NXPH1: variants seen among roughly 807,000 people sequenced by gnomAD.
NXPH1 encodes the protein neurexophilin 1.
Under a neutral mutation model 23.7 loss-of-function variants are expected in NXPH1, and 5 were observed. The ratio of observed to expected loss-of-function variants is 0.21; its 90% CI spans 0.11 to 0.44. The LOEUF (loss-of-function observed/expected upper bound fraction) is 0.44, where lower values mean the gene tolerates loss of function less well. Among genes scored for constraint, NXPH1 ranks in the 20% least tolerant of loss-of-function variants. The pLI is 0.99. For synonymous variants in NXPH1, 144 were observed against 122.2 expected, an observed-to-expected ratio of 1.18 and a Z score of -1.18; for missense variants, 324 against 321.6, an observed-to-expected ratio of 1.01 and a Z score of -0.06.
intron 2 of NXPH1, among the ~76,000 whole-genome samples, chr7:8,481,858 T>C (rs1244686453): frequency 1.3e-5 from 2 of 152,178 alleles, no homozygotes; most frequent in Non-Finnish European, 2.9e-5. Flanking sequence ...CCAGTGTCTA[T>C]TGTTACCATC....
At chr7:8,729,796 C>G (rs1050444831) in intron 2 of NXPH1, among the ~76,000 whole-genome samples, 13 of 152,128 alleles carry the variant, frequency 8.5e-5, no homozygotes, top group Non-Finnish European at 1.6e-4. Flanking sequence ...TGGTATGGTG[C>G]TGAAATAAAT....
At chr7:8,635,711 G>A (rs1050363265) in intron 2 of NXPH1, among the ~76,000 whole-genome samples, 19 of 152,128 alleles carry the variant, frequency 1.2e-4, no homozygotes, top group South Asian at 8.3e-4. Flanking sequence ...TATAGAAATC[G>A]TATTTTATTC....
chr7:8,747,798 A>T (rs945636422), intron 2 of NXPH1, among the ~76,000 whole-genome samples: 2 of 152,162 alleles, frequency 1.3e-5, no homozygotes, highest in African/African-American at 2.4e-5. Flanking sequence ...CCCAAATCCA[A>T]AGGTATGTAC....
At chr7:8,565,187 G>C (rs1818518943) in intron 2 of NXPH1, among the ~76,000 whole-genome samples, 1 of 151,716 alleles carries the variant, frequency 6.6e-6, no homozygotes, top group South Asian at 2.1e-4. Flanking sequence ...AGTGATGATG[G>C]ATAGATTCCA....
chr7:8,490,328 A>T (rs1190158389), intron 2 of NXPH1, among the ~76,000 whole-genome samples: 3 of 152,054 alleles, frequency 2.0e-5, no homozygotes, highest in Non-Finnish European at 4.4e-5. Context: ...AGACTAACTT[A>T]AATCCATGTA....
chr7:8,743,921 T>C (rs1261193930), intron 2 of NXPH1, among the ~76,000 whole-genome samples: 1 of 151,966 alleles, frequency 6.6e-6, no homozygotes, highest in East Asian at 1.9e-4. Flanking sequence ...CCCGACCTTG[T>C]GATCCGCCCG....
chr7:8,654,287 T>C (rs1191043656), intron 2 of NXPH1, among the ~76,000 whole-genome samples: 9 of 152,188 alleles, frequency 5.9e-5, no homozygotes, highest in African/African-American at 2.2e-4. Context: ...CTAGTATTTA[T>C]GTTTTTAGTT....
intron 2 of NXPH1, among the ~76,000 whole-genome samples, chr7:8,630,167 G>C (rs889335378): frequency 2.6e-5 from 4 of 152,046 alleles, no homozygotes; most frequent in African/African-American, 9.7e-5. Flanking sequence ...TGCCATCAGA[G>C]GGTGACATTC....
At chr7:8,665,816 T>A (rs1196979098) in intron 2 of NXPH1, among the ~76,000 whole-genome samples, 1 of 151,812 alleles carries the variant, frequency 6.6e-6, no homozygotes, top group Non-Finnish European at 1.5e-5. Context: ...GGAAAGTTTG[T>A]TGTTAGTGTA....
At chr7:8,646,864 T>G (rs1446441021) in intron 2 of NXPH1, among the ~76,000 whole-genome samples, 1 of 14,928 alleles carries the variant, frequency 6.7e-5, no homozygotes, top group East Asian at 0.5. Flanking sequence ...GTTTCTGTCA[T>G]TTTTTTTTTT....
At chr7:8,500,519 A>G (rs906213366) in intron 2 of NXPH1, among the ~76,000 whole-genome samples, 1 of 152,056 alleles carries the variant, frequency 6.6e-6, no homozygotes, top group Non-Finnish European at 1.5e-5. Flanking sequence ...TGAGCATTGA[A>G]TGAGTTGCTG....
At chr7:8,604,974 G>T (rs1325681998) in intron 2 of NXPH1, among the ~76,000 whole-genome samples, 1 of 151,990 alleles carries the variant, frequency 6.6e-6, no homozygotes, top group Non-Finnish European at 1.5e-5. Flanking sequence ...CACCATTTTA[G>T]ATTGATTCTT....
At position 8,568,153 on chromosome 7, in the gene NXPH1, T is replaced by C. The variant is rs1818580485; in HGVS notation, c.54+132386T>C. Among the ~76,000 whole-genome samples the C allele has an allele frequency of 2.0e-5, 3 of 151,888 alleles. No individual in the cohort carries two copies. In the South Asian group the frequency reaches 6.2e-4, roughly 31 times the overall value. ...AGAGCAGATTATGTGACACTAACTG[T>C]AAATGTCCTGAGAATGGTAGAAACC... On this transcript the variant is annotated intron_variant, in intron 2 of 2. Coordinates refer to ENST00000405863, the MANE Select transcript of NXPH1 (RefSeq NM_152745.3).
intron 2 of NXPH1, among the ~76,000 whole-genome samples, chr7:8,586,276 G>A (rs1818978802): frequency 6.6e-6 from 1 of 152,096 alleles, no homozygotes; most frequent in South Asian, 2.1e-4. Flanking sequence ...GAATGCAAGG[G>A]GAGAAGATTG....
chr7:8,583,326 T>C (rs763333875), intron 2 of NXPH1, among the ~76,000 whole-genome samples: 2 of 152,232 alleles, frequency 1.3e-5, no homozygotes, highest in Non-Finnish European at 2.9e-5. Flanking sequence ...TGAGTTTGAA[T>C]CCTGGCACAG....
intron 2 of NXPH1, among the ~76,000 whole-genome samples, chr7:8,466,515 A>G (rs1449426103): frequency 6.6e-6 from 1 of 152,200 alleles, no homozygotes; most frequent in East Asian, 1.9e-4. Flanking sequence ...GGTGTCTGCA[A>G]CATTTGCTGG....
At chr7:8,672,150 A>C (rs1277532814) in intron 2 of NXPH1, among the ~76,000 whole-genome samples, 1 of 152,206 alleles carries the variant, frequency 6.6e-6, no homozygotes, top group Non-Finnish European at 1.5e-5. Context: ...TGCAGCCATA[A>C]AAAATGATGA....
At chr7:8,725,613 C>T (rs1021769256) in intron 2 of NXPH1, among the ~76,000 whole-genome samples, 2 of 152,032 alleles carry the variant, frequency 1.3e-5, no homozygotes, top group African/African-American at 4.8e-5. Context: ...GTAAAAAATT[C>T]TTGAAGGAAT....
intron 2 of NXPH1, among the ~76,000 whole-genome samples, chr7:8,510,130 G>A (rs1817589171): frequency 1.3e-5 from 2 of 152,106 alleles, no homozygotes; most frequent in South Asian, 2.1e-4. Context: ...ATATACAAAG[G>A]AGCTCAGCTT....
Sources: gnomAD v4.1 joint callset for allele counts (sites outside exome capture counted in the v4.1 genomes callset) on GRCh38, gnomAD v4.1.1 for gene constraint, MANE v1.5 for transcripts, NCBI Gene and HGNC (gene_info 2026-07-23, HGNC 2026-07-21) for gene names.